Variants in FRMD3 observed in about 807,000 individuals in gnomAD.
The protein encoded by FRMD3 is FERM domain-containing protein 3.
In FRMD3, 33 loss-of-function variants were observed where a neutral mutation model predicts 70.2. That is an observed-to-expected ratio of 0.47 (90% CI 0.36 to 0.63). The LOEUF is 0.63. FRMD3 is among the 20% of genes least tolerant of loss of function. The pLI is 0.00. For missense variants in FRMD3, 632 were observed against 711.4 expected (o/e 0.89, Z 1.27); for synonymous variants, 279 against 255.9 (o/e 1.09, Z -0.86).
At chr9:83,409,983 C>A (rs1252699154) in intron 1 of FRMD3, among the ~76,000 whole-genome samples, 1 of 152,186 alleles carries the variant, frequency 6.6e-6, no homozygotes, top group Non-Finnish European at 1.5e-5. Context: ...CCCTCAATGC[C>A]ATTTCTACCA....
At chr9:83,527,302 G>C (rs566169107) in intron 1 of FRMD3, among the ~76,000 whole-genome samples, 1 of 152,228 alleles carries the variant, frequency 6.6e-6, no homozygotes, top group South Asian at 2.1e-4. Flanking sequence ...ACAATCTCTC[G>C]ATTTGGTTGG....
chr9:83,432,971 T>C (rs2131378578), intron 1 of FRMD3, among the ~76,000 whole-genome samples: 1 of 152,350 alleles, frequency 6.6e-6, no homozygotes, highest in South Asian at 2.1e-4. Context: ...CTTCCACTTA[T>C]AAGTGAGAAC....
intron 3 of FRMD3, among the ~76,000 whole-genome samples, chr9:83,359,368 C>G (rs1824509204): frequency 6.6e-6 from 1 of 152,152 alleles, no homozygotes; most frequent in South Asian, 2.1e-4. Flanking sequence ...GGGTCCCATA[C>G]TTCTAACCTC....
chr9:83,252,731 C>G (rs1832489130), intron 13 of FRMD3, among the ~76,000 whole-genome samples: 1 of 152,040 alleles, frequency 6.6e-6, no homozygotes, highest in Non-Finnish European at 1.5e-5. Flanking sequence ...TAGATTCTGA[C>G]AAAACAGACT....
chr9:83,481,940 A>C (rs551715555), intron 1 of FRMD3, among the ~76,000 whole-genome samples: 17 of 134,518 alleles, frequency 1.3e-4, no homozygotes, highest in Admixed American at 1.1e-3. Context: ...CAAAGTACAC[A>C]TAGAAAGTGC....
intron 2 of FRMD3, among the ~76,000 whole-genome samples, chr9:83,373,990 C>T (rs533999453): frequency 2.6e-4 from 39 of 152,260 alleles, no homozygotes; most frequent in African/African-American, 7.0e-4. Flanking sequence ...ATTTGCTGAG[C>T]GCTTACTAAA....
intron 1 of FRMD3, among the ~76,000 whole-genome samples, chr9:83,503,309 G>T (rs182776433): frequency 5.5e-4 from 84 of 152,324 alleles, no homozygotes; most frequent in African/African-American, 1.9e-3. Flanking sequence ...CGACAGAAGA[G>T]AATTCAGAGA....
At chr9:83,243,617 G>C (rs750471632), downstream of FRMD3, among the ~76,000 whole-genome samples, 1 of 152,152 alleles carries the variant, frequency 6.6e-6, no homozygotes, top group Non-Finnish European at 1.5e-5. Flanking sequence ...GCTGGAGTCA[G>C]AACTATAGGT....
At chr9:83,584,994 G>A in the FRMD3 span, among the ~76,000 whole-genome samples, 3 of 152,264 alleles carry the variant, frequency 2.0e-5, no homozygotes, top group South Asian at 4.1e-4. Flanking sequence ...TTCACCTTTC[G>A]TTTAAGTCTG....
At position 83,380,841 on chromosome 9, in the gene FRMD3, AG is replaced by A. The variant is rs577005404; in HGVS notation, c.253-7887del. Among the ~76,000 whole-genome samples the A allele has an allele frequency of 7.5e-3, 1,149 of 152,318 alleles. 14 individuals are homozygous for A. Among genetic ancestry groups the A allele is most frequent in the African/African-American group, 0.025 (1,035 of 41,570 alleles). ...CCCAGAGAAATATGTTAAATAACCC[AG>A]GGGGCTTTTAAAAAGAATGAATGCA... is the stretch of plus-strand genomic sequence containing the variant. On this transcript the variant is annotated intron_variant, in intron 2 of 13. Coordinates refer to ENST00000304195, the MANE Select transcript of FRMD3 (RefSeq NM_174938.6).
At chr9:83,368,765 A>T (rs1025134153) in intron 3 of FRMD3, among the ~76,000 whole-genome samples, 2 of 152,192 alleles carry the variant, frequency 1.3e-5, no homozygotes, top group Non-Finnish European at 2.9e-5. Context: ...ATTTTGTGTC[A>T]TTAGATTTAA....
At chr9:83,340,105 C>T (rs1823707434) in intron 5 of FRMD3, among the ~76,000 whole-genome samples, 1 of 152,072 alleles carries the variant, frequency 6.6e-6, no homozygotes, top group African/African-American at 2.4e-5. Context: ...ACTTGGGAGG[C>T]TGAGGTAGGA....
chr9:83,326,224 T>C (rs1836010341), intron 6 of FRMD3, among the ~76,000 whole-genome samples: 1 of 152,174 alleles, frequency 6.6e-6, no homozygotes, highest in Admixed American at 6.5e-5. Context: ...TCTGTTACAC[T>C]AGTGCTTAAC....
chr9:83,441,157 C>A (rs185433465), intron 1 of FRMD3, among the ~76,000 whole-genome samples: 14 of 152,272 alleles, frequency 9.2e-5, no homozygotes, highest in African/African-American at 3.1e-4. Flanking sequence ...ATGTTCTATG[C>A]GGCTACTGAG....
intron 3 of FRMD3, 50 bp downstream of exon 3, chr9:83,372,863 C>G: frequency 6.7e-7 from 1 of 1,502,248 alleles, no homozygotes; most frequent in Non-Finnish European, 9.3e-7. Context: ...GGAACAGTAT[C>G]TATCTTTGGA....
At chr9:83,467,264 T>C (rs1828152647) in intron 1 of FRMD3, among the ~76,000 whole-genome samples, 2 of 152,252 alleles carry the variant, frequency 1.3e-5, no homozygotes, top group African/African-American at 4.8e-5. Flanking sequence ...ATCTTGATCT[T>C]GACCTCAGCA....
intron 3 of FRMD3, among the ~76,000 whole-genome samples, chr9:83,357,100 A>ATC (rs1342455744): frequency 7.3e-6 from 1 of 136,820 alleles, no homozygotes; most frequent in Non-Finnish European, 1.5e-5. Context: ...GTATATATAT[A>ATC]TCTATCCATC....
At chr9:83,518,402 A>C (rs1829499269) in intron 1 of FRMD3, among the ~76,000 whole-genome samples, 2 of 152,066 alleles carry the variant, frequency 1.3e-5, no homozygotes, top group South Asian at 4.1e-4. Context: ...GCTACAAAGA[A>C]AATAACATAC....
At chr9:83,375,394 T>C (rs1313170724) in intron 2 of FRMD3, among the ~76,000 whole-genome samples, 1 of 152,232 alleles carries the variant, frequency 6.6e-6, no homozygotes, top group African/African-American at 2.4e-5. Context: ...CACCCTACAT[T>C]TGCCTTTCAG....
Sources: allele counts gnomAD v4.1 joint callset (sites outside exome capture counted in the v4.1 genomes callset), GRCh38; gene constraint gnomAD v4.1.1; transcripts MANE v1.5; gene names NCBI Gene and HGNC (gene_info 2026-07-23, HGNC 2026-07-21).